AOPEP: variants seen among roughly 807,000 people sequenced by gnomAD.
AOPEP encodes aminopeptidase O.
Under a neutral mutation model 98.1 loss-of-function variants are expected in AOPEP, and 77 were observed. That is an observed-to-expected ratio of 0.78 (90% confidence interval 0.65 to 0.95). The LOEUF is 0.95. AOPEP is among the 40% of genes least tolerant of loss of function. AOPEP has a pLI of 0.00. For synonymous variants in AOPEP, 346 were observed against 365.3 expected (o/e 0.95, Z 0.60); for missense variants, 1,024 against 1,024.7 (o/e 1.00, Z 0.01).
intron 11 of AOPEP, among the ~76,000 whole-genome samples, chr9:94,999,310 G>A (rs1215200492): frequency 1.3e-5 from 2 of 152,126 alleles, no homozygotes; most frequent in Non-Finnish European, 2.9e-5. Context: ...GATGGGGCCA[G>A]GAATTAAATT....
intron 5 of AOPEP, among the ~76,000 whole-genome samples, chr9:94,921,844 CCCTT>C (rs1445762387): frequency 2.0e-5 from 3 of 152,130 alleles, no homozygotes; most frequent in African/African-American, 7.2e-5. Flanking sequence ...TGGTTAAACG[CCCTT>C]CCTTCTGAGC....
chr9:94,744,163 C>T (rs560415302), intron 1 of AOPEP, among the ~76,000 whole-genome samples: 94 of 151,578 alleles, frequency 6.2e-4, no homozygotes, highest in African/African-American at 2.1e-3. Context: ...GAGGCTGAGG[C>T]GGGCGGATCA....
intron 5 of AOPEP, among the ~76,000 whole-genome samples, chr9:94,887,503 C>T (rs1182836519): frequency 1.3e-5 from 2 of 152,154 alleles, no homozygotes; most frequent in Non-Finnish European, 2.9e-5. Flanking sequence ...AGCCTTACCT[C>T]TGATGCCTGT....
At chr9:94,987,956 G>A (rs1462550414) in intron 11 of AOPEP, among the ~76,000 whole-genome samples, 1 of 152,070 alleles carries the variant, frequency 6.6e-6, no homozygotes, top group African/African-American at 2.4e-5. Context: ...ATGGTCAGGT[G>A]GGTCAGCAGC....
intron 1 of AOPEP, among the ~76,000 whole-genome samples, chr9:94,752,711 A>G (rs1836112451): frequency 6.6e-6 from 1 of 152,244 alleles, no homozygotes. Context: ...GGCCATAACA[A>G]TATCTACCAT....
intron 15 of AOPEP, 43 bp from the exon 16 acceptor site, chr9:95,082,532 C>T: frequency 2.5e-6 from 4 of 1,605,982 alleles, no homozygotes; most frequent in Non-Finnish European, 3.4e-6. Context: ...TGTGTGGGTA[C>T]CCACACCTTC....
chr9:94,958,440 A>G (rs1396326108), intron 9 of AOPEP, among the ~76,000 whole-genome samples: 3 of 152,212 alleles, frequency 2.0e-5, no homozygotes, highest in Non-Finnish European at 2.9e-5. Context: ...CAATAATTCT[A>G]TGTTTAGCTT....
intron 1 of AOPEP, among the ~76,000 whole-genome samples, chr9:94,747,216 A>G (rs560091055): frequency 3.0e-4 from 46 of 152,342 alleles, no homozygotes; most frequent in African/African-American, 9.9e-4. Context: ...TTTGGCTTAA[A>G]GATTGGTCTT....
At chr9:94,879,007 T>C (rs2047282075) in intron 5 of AOPEP, among the ~76,000 whole-genome samples, 1 of 152,212 alleles carries the variant, frequency 6.6e-6, no homozygotes, top group South Asian at 2.1e-4. Flanking sequence ...TCAGCTGTCT[T>C]CTTGTGCTGA....
chr9:94,763,937 G>A (rs1195539740), intron 2 of AOPEP, among the ~76,000 whole-genome samples: 2 of 152,152 alleles, frequency 1.3e-5, no homozygotes, highest in Admixed American at 6.5e-5. Flanking sequence ...GTTAGTTGTG[G>A]ACATGTTCTG....
intron 11 of AOPEP, among the ~76,000 whole-genome samples, chr9:95,000,603 G>A (rs1042183529): frequency 2.0e-5 from 3 of 152,162 alleles, no homozygotes; most frequent in African/African-American, 7.2e-5. Flanking sequence ...AGCTACTGGG[G>A]AGGCTGAGGC....
intron 13 of AOPEP, among the ~76,000 whole-genome samples, chr9:95,041,446 G>GGGGT (rs1554813291): frequency 1.2e-4 from 17 of 142,012 alleles, no homozygotes; most frequent in African/African-American, 4.5e-4. Context: ...AGTCCTTGGG[G>GGGGT]GTGTGTGTGT....
chr9:95,125,325 T>C, the AOPEP span: 1 of 720,760 alleles, frequency 1.4e-6, no homozygotes, highest in Non-Finnish European at 2.5e-6. Flanking sequence ...CAGATTTCAG[T>C]CCTTGTGTGA....
chr9:94,961,986 C>T lies in AOPEP; in HGVS notation c.1873-5772C>T, dbSNP rs1198851347. Among the ~76,000 whole-genome samples the T allele has an allele frequency of 1.3e-5, 2 of 152,150 alleles. 1 individual carries two copies. The highest frequency in any genetic ancestry group is 2.9e-5 in the Non-Finnish European group (2 of 68,018). ...TTGTGCTATGCCTGTTTTTCTCTCC[C>T]TCTGAGCTACAGTTTGAAACTTGGA... On this transcript the variant is annotated intron_variant, in intron 9 of 16. Coordinates refer to ENST00000375315, the MANE Select transcript of AOPEP (RefSeq NM_001193329.3).
In AOPEP at chr9:94,792,900, C is replaced by T. The variant is rs1276581072; in HGVS notation, c.1100C>T (p.Pro367Leu). 1.9e-6 allele frequency: 3 copies of T among 1,608,328 alleles called. No homozygotes were observed. The highest frequency in any genetic ancestry group is 1.7e-5 in the Admixed American group (1 of 58,956). The part of the protein sequence containing the change: ...NDLATERPFS[P>L]SEANFRHVGV... ...TTGGCAACAGAGAGACCCTTCTCACCTTCTGAGGCCAACTTCAGGTTTGTG... is the reference window on the plus strand; with the variant it reads ...TTGGCAACAGAGAGACCCTTCTCACTTTCTGAGGCCAACTTCAGGTTTGTG... The change falls in exon 4 of 17, where the codon CCT becomes CTT. Residue 367 changes from proline (P) to leucine (L), a missense_variant. By Grantham distance (98) the Pro-to-Leu change is moderately conservative. This residue lies in a region of AOPEP where 18 missense variants were observed against 39.1 expected (regional missense o/e 0.46). Transcript: ENST00000375315.
At chr9:94,997,628 A>G (rs569189404) in intron 11 of AOPEP, among the ~76,000 whole-genome samples, 19 of 152,316 alleles carry the variant, frequency 1.2e-4, no homozygotes, top group African/African-American at 4.1e-4. Context: ...TGGTGACTCT[A>G]ATAAGCACTC....
chr9:95,011,802 A>T (rs2062545164), intron 13 of AOPEP, among the ~76,000 whole-genome samples: 1 of 152,140 alleles, frequency 6.6e-6, no homozygotes, highest in Non-Finnish European at 1.5e-5. Flanking sequence ...ACAGTGCAAG[A>T]CCCAAACTCA....
intron 3 of AOPEP, among the ~76,000 whole-genome samples, chr9:94,778,060 G>A (rs1382295252): frequency 2.0e-5 from 3 of 152,156 alleles, no homozygotes; most frequent in African/African-American, 4.8e-5. Flanking sequence ...GCTCAACATC[G>A]TCATCAGGGA....
At chr9:94,933,450 A>G (rs966737822) in intron 7 of AOPEP, 1 of 985,312 alleles carries the variant, frequency 1.0e-6, no homozygotes, top group African/African-American at 1.7e-5. Context: ...GGAAAACGTT[A>G]AAATGTATCG....
Sources: gnomAD v4.1 joint callset for allele counts (sites outside exome capture counted in the v4.1 genomes callset) on GRCh38, gnomAD v4.1.1 for gene constraint, gnomAD v4.1.1 regional missense constraint, MANE v1.5 for transcripts, NCBI Gene and HGNC (gene_info 2026-07-23, HGNC 2026-07-21) for gene names.